CNTNAP2: variants seen among roughly 807,000 people sequenced by gnomAD.
The protein encoded by CNTNAP2 is contactin-associated protein-like 2.
A neutral mutation model predicts 155.2 loss-of-function variants in CNTNAP2; 98 were observed. The ratio of observed to expected loss-of-function variants is 0.63; its 90% confidence interval spans 0.54 to 0.75. The LOEUF is 0.75. Among genes scored for constraint, CNTNAP2 ranks in the 30% least tolerant of loss-of-function variants. The pLI, the probability that CNTNAP2 is intolerant of heterozygous loss-of-function variation, is 0.00. For missense variants in CNTNAP2, 1,727 were observed against 1,688.1 expected (o/e 1.02, Z -0.40); for synonymous variants, 651 against 631.2 (o/e 1.03, Z -0.47).
At chr7:147,478,305 A>G (rs1292630432) in intron 10 of CNTNAP2, among the ~76,000 whole-genome samples, 1 of 151,872 alleles carries the variant, frequency 6.6e-6, no homozygotes, top group Non-Finnish European at 1.5e-5. Context: ...GGCACCCACC[A>G]CCACAGCCAG....
chr7:147,864,562 A>G (rs78858140), intron 13 of CNTNAP2, among the ~76,000 whole-genome samples: 51,511 of 151,666 alleles, frequency 0.34, 9,022 homozygotes, highest in East Asian at 0.42. Flanking sequence ...ATCCATGAGC[A>G]TGGAATGTTC....
chr7:147,691,900 T>A (rs995889039), intron 13 of CNTNAP2, among the ~76,000 whole-genome samples: 1 of 152,086 alleles, frequency 6.6e-6, no homozygotes, highest in African/African-American at 2.4e-5. Flanking sequence ...TACATTAGGG[T>A]TCACCCTTGC....
At chr7:148,136,021 G>GGAAGGAAGGAAGGGAGGGAGGA (rs1585145164) in intron 16 of CNTNAP2, among the ~76,000 whole-genome samples, 1 of 12,632 alleles carries the variant, frequency 7.9e-5, no homozygotes, top group Non-Finnish European at 1.6e-4. Flanking sequence ...GGAAGGAAGG[G>GGAAGGAAGGAAGGGAGGGAGGA]AGGGAGGGAG....
chr7:147,019,345 C>T (rs963203228), intron 3 of CNTNAP2, among the ~76,000 whole-genome samples: 26 of 151,890 alleles, frequency 1.7e-4, no homozygotes, highest in African/African-American at 5.8e-4. Context: ...GATAGTTGAC[C>T]GAATGTTAAC....
At chr7:147,076,837 T>C (rs1800009701) in intron 4 of CNTNAP2, among the ~76,000 whole-genome samples, 1 of 152,164 alleles carries the variant, frequency 6.6e-6, no homozygotes, top group South Asian at 2.1e-4. Context: ...ATTTATAATT[T>C]AGAAAACAAG....
chr7:146,667,635 T>C (rs1316553207), intron 1 of CNTNAP2, among the ~76,000 whole-genome samples: 1 of 152,074 alleles, frequency 6.6e-6, no homozygotes, highest in African/African-American at 2.4e-5. Flanking sequence ...ATTTGTATCC[T>C]CTTCAGTTTT....
chr7:147,426,154 T>C (rs1426387415), intron 10 of CNTNAP2, among the ~76,000 whole-genome samples: 2 of 151,944 alleles, frequency 1.3e-5, no homozygotes, highest in African/African-American at 4.8e-5. Flanking sequence ...AGGGAGGGTG[T>C]ACTTTACCTT....
At chr7:146,170,794 G>A (rs558556493) in intron 1 of CNTNAP2, among the ~76,000 whole-genome samples, 8 of 152,024 alleles carry the variant, frequency 5.3e-5, no homozygotes, top group Non-Finnish European at 1.2e-4. Context: ...TTGGGAGGCC[G>A]AGGCAGGCGG....
rs556335798 is a variant in CNTNAP2, at chr7:148,183,575, G to A, written c.3010+11097G>A. 9.4e-4 allele frequency among the ~76,000 whole-genome samples: 134 copies of A among 142,550 alleles called. 2 individuals are homozygous for A. Among genetic ancestry groups the A allele is most frequent in the Middle Eastern group, 7.6e-3 (2 of 262 alleles). 93.5% of individuals were successfully genotyped at this position (142,550 alleles called of 152,430 possible). On this transcript the variant is annotated intron_variant, in intron 18 of 23. Transcript: ENST00000361727. ...TGGCTCACTGCATCCTCGACCTCCT[G>A]GGCTCAAGTGATCCTCCCACCTTGG...
intron 12 of CNTNAP2, among the ~76,000 whole-genome samples, chr7:147,623,409 T>G (rs1794907086): frequency 6.6e-6 from 1 of 152,080 alleles, no homozygotes; most frequent in Admixed American, 6.6e-5. Context: ...TCTGCAAAGT[T>G]GTAGTATACA....
chr7:147,603,056 G>A (rs1434260884), intron 12 of CNTNAP2, among the ~76,000 whole-genome samples: 16 of 151,696 alleles, frequency 1.1e-4, no homozygotes, highest in African/African-American at 2.9e-4. Flanking sequence ...CTGAGGAATC[G>A]CCACACTGAC....
chr7:147,040,135 G>A (rs1474425267), intron 3 of CNTNAP2, among the ~76,000 whole-genome samples: 1 of 152,034 alleles, frequency 6.6e-6, no homozygotes, highest in Non-Finnish European at 1.5e-5. Flanking sequence ...CTAAAAAGTG[G>A]GAAAAGGATA....
intron 1 of CNTNAP2, among the ~76,000 whole-genome samples, chr7:146,128,320 A>C (rs1054140707): frequency 5.3e-5 from 8 of 152,196 alleles, no homozygotes; most frequent in African/African-American, 1.9e-4. Context: ...TGTAATATTC[A>C]AAGTATAAGG....
At chr7:147,825,337 C>T (rs79215476) in intron 13 of CNTNAP2, among the ~76,000 whole-genome samples, 6,746 of 152,278 alleles carry the variant, frequency 0.044, 269 homozygotes, top group Admixed American at 0.12. Context: ...CAGCAATTTA[C>T]TGGGGCAAGC....
At chr7:148,202,586 T>C (rs10241724) in intron 18 of CNTNAP2, among the ~76,000 whole-genome samples, 1 of 151,976 alleles carries the variant, frequency 6.6e-6, no homozygotes, top group Non-Finnish European at 1.5e-5. Context: ...AAGAGGGGTG[T>C]GCTTGAAGCA....
intron 10 of CNTNAP2, among the ~76,000 whole-genome samples, chr7:147,419,452 G>C (rs1797252150): frequency 6.6e-6 from 1 of 151,948 alleles, no homozygotes; most frequent in Admixed American, 6.6e-5. Flanking sequence ...ATATTAAAAA[G>C]AACAAAAAAA....
intron 9 of CNTNAP2, among the ~76,000 whole-genome samples, chr7:147,329,625 G>T (rs190128852): frequency 6.6e-6 from 1 of 152,092 alleles, no homozygotes; most frequent in African/African-American, 2.4e-5. Context: ...ATGGAGGAGG[G>T]CAGAGGGCAT....
intron 11 of CNTNAP2, among the ~76,000 whole-genome samples, chr7:147,512,019 G>A (rs188365017): frequency 6.6e-6 from 1 of 152,142 alleles, no homozygotes. Context: ...AAGCATAATA[G>A]TAGACAGCAT....
intron 18 of CNTNAP2, among the ~76,000 whole-genome samples, chr7:148,173,488 A>T (rs1794868933): frequency 6.6e-6 from 1 of 152,234 alleles, no homozygotes; most frequent in Non-Finnish European, 1.5e-5. Context: ...TGCCACACAC[A>T]GAAGGAGGAA....
Sources: allele counts gnomAD v4.1 joint callset (sites outside exome capture counted in the v4.1 genomes callset), GRCh38; gene constraint gnomAD v4.1.1; transcripts MANE v1.5; gene names NCBI Gene and HGNC (gene_info 2026-07-23, HGNC 2026-07-21).